The following ARNT variants were observed in gnomAD, a reference collection of about 807,000 sequenced individuals.
The protein encoded by ARNT is class E basic helix-loop-helix protein 2.
In ARNT, 30 loss-of-function variants were observed where a neutral mutation model predicts 105.0. The observed-to-expected ratio is 0.29, with a 90% CI of 0.21 to 0.39. The LOEUF is 0.39. Ranked by LOEUF, ARNT falls within the 10% of genes least tolerant of loss-of-function variation. The pLI, the probability that ARNT is intolerant of heterozygous loss-of-function variation, is 1.00. For missense variants in ARNT, 748 were observed against 978.7 expected (o/e 0.76, Z 3.15); for synonymous variants, 304 against 344.0 (o/e 0.88, Z 1.29).
At chr1:150,835,483 C>T (rs920463977) in intron 7 of ARNT, among the ~76,000 whole-genome samples, 2 of 152,090 alleles carry the variant, frequency 1.3e-5, no homozygotes, top group Non-Finnish European at 2.9e-5. Context: ...TGAACTACTC[C>T]TAGCTACTCA....
At position 150,876,552 on chromosome 1, in the gene ARNT, CAGT is replaced by C. The variant is rs1002602832; in HGVS notation, c.13_15del (p.Thr5del). Reference sequence around the variant, plus strand: ...TCCTCCGTCTCCTCACCGGGGTTGGCAGTAGTCGCCGCCATGGCCGCAGATGCC... The same window carrying C: ...TCCTCCGTCTCCTCACCGGGGTTGGCAGTCGCCGCCATGGCCGCAGATGCC... On this transcript the variant is annotated inframe_deletion, in exon 1 of 22. Coordinates refer to ENST00000358595, the MANE Select transcript of ARNT (RefSeq NM_001668.4). The C allele has an allele frequency of 1.9e-6, 3 of 1,549,890 alleles. No individual in the cohort carries two copies. The African/African-American group carries it at 4.1e-5, about 21-fold the overall frequency.
intron 1 of ARNT, among the ~76,000 whole-genome samples, chr1:150,860,869 A>C (rs1412821630): frequency 6.6e-6 from 1 of 152,122 alleles, no homozygotes; most frequent in Non-Finnish European, 1.5e-5. Context: ...AAAAATAAAC[A>C]AATAAAAAAT....
intron 12 of ARNT, among the ~76,000 whole-genome samples, chr1:150,828,350 G>T (rs72704643): frequency 6.5e-4 from 75 of 115,472 alleles, no homozygotes; most frequent in East Asian, 9.8e-4. Context: ...TTTTTTTTTT[G>T]TTTTTTTTTT....
intron 1 of ARNT, among the ~76,000 whole-genome samples, chr1:150,867,711 A>C (rs929794714): frequency 5.3e-5 from 8 of 152,136 alleles, no homozygotes; most frequent in Non-Finnish European, 1.0e-4. Flanking sequence ...TTGAAGGTGC[A>C]GTCTGGTGGG....
chr1:150,860,547 A>G (rs1188092053), intron 1 of ARNT, among the ~76,000 whole-genome samples: 1 of 151,750 alleles, frequency 6.6e-6, no homozygotes, highest in African/African-American at 2.4e-5. Context: ...TATATGCAAC[A>G]CAGAATATCC....
intron 17 of ARNT, 41 bp from the exon 18 acceptor site, chr1:150,816,931 C>T (rs745385830): frequency 8.7e-6 from 14 of 1,604,120 alleles, no homozygotes; most frequent in Middle Eastern, 3.3e-4. Flanking sequence ...AGTCAAGGGG[C>T]TGTAGTATAT....
intron 10 of ARNT, 153 bp from the exon 11 acceptor site, chr1:150,830,133 C>T (rs1021614946): frequency 1.6e-5 from 12 of 753,022 alleles, no homozygotes; most frequent in South Asian, 7.3e-5. Flanking sequence ...CCAAGGTGGG[C>T]GGATCACTTG....
intron 21 of ARNT, among the ~76,000 whole-genome samples, 170 bp from the exon 22 acceptor site, chr1:150,812,280 T>C (rs961753989): frequency 7.9e-5 from 12 of 152,338 alleles, no homozygotes; most frequent in African/African-American, 2.9e-4. Context: ...ATCGCAGCCT[T>C]TTTTCCTAAT....
rs1654482430 is a variant in ARNT, at chr1:150,810,209, AAC to A, written c.*1810_*1811del. Reference sequence around the variant, plus strand: ...ACAGAAATGGCCAACAAGAAAACAAAACAGTCAAAAATAAAACCCTGAAGGAA... The same window carrying A: ...ACAGAAATGGCCAACAAGAAAACAAAAGTCAAAAATAAAACCCTGAAGGAA... On this transcript the variant is annotated 3_prime_UTR_variant, in exon 22 of 22. Coordinates refer to ENST00000358595, the MANE Select transcript of ARNT (RefSeq NM_001668.4). 4.3e-6 allele frequency: 1 copy of A among 232,854 alleles called. No homozygotes were observed. 14.4% of individuals were successfully genotyped at this position (232,854 alleles called of 1,614,324 possible).
chr1:150,836,212 A>G (rs1240664503), intron 7 of ARNT, 68 bp downstream of exon 7: 1 of 1,500,420 alleles, frequency 6.7e-7, no homozygotes, highest in Non-Finnish European at 9.2e-7. Flanking sequence ...CAGCTAAAAC[A>G]TCTCTTAAGT....
At position 150,809,782 on chromosome 1, in the gene ARNT, T is replaced by C; in HGVS notation, c.*2239A>G. On this transcript the variant is annotated 3_prime_UTR_variant, in exon 22 of 22. Coordinates refer to ENST00000358595, the MANE Select transcript of ARNT (RefSeq NM_001668.4). Reference sequence around the variant, plus strand: ...AAGGCATCCAGATGTGCCCTAGTGGTTTTCAAGTCCCGACTCTTCCCCTCT... The same window carrying C: ...AAGGCATCCAGATGTGCCCTAGTGGCTTTCAAGTCCCGACTCTTCCCCTCT... The C allele has an allele frequency of 4.6e-6, 1 of 218,972 alleles. No homozygotes were observed. Among genetic ancestry groups the C allele is most frequent in the Non-Finnish European group, 9.2e-6 (1 of 109,072 alleles). 13.6% of individuals were successfully genotyped at this position (218,972 alleles called of 1,614,324 possible). A position where few individuals can be genotyped will look rare whatever the true frequency, so the allele number is the denominator to read the frequency against.
chr1:150,852,813 A>G lies in ARNT; in HGVS notation c.138-7T>C. 6.2e-7 allele frequency: 1 copy of G among 1,614,138 alleles called. No individual in the cohort carries two copies. On this transcript the variant is annotated splice_region_variant and splice_polypyrimidine_tract_variant and intron_variant, in intron 2 of 21. Coordinates refer to ENST00000358595, the MANE Select transcript of ARNT (RefSeq NM_001668.4). ...ATCATCATCAAAATCCAGCCTGAGG[A>G]AAGCCAACAATAAATACTTTAAGCC...
At chr1:150,871,971 T>C (rs1208312947) in intron 1 of ARNT, among the ~76,000 whole-genome samples, 2 of 150,926 alleles carry the variant, frequency 1.3e-5, no homozygotes, top group South Asian at 2.1e-4. Flanking sequence ...TCTTTTTTTG[T>C]TGGGGGACAG....
chr1:150,817,094 T>A lies in ARNT; in HGVS notation c.1687A>T (p.Asn563Tyr). The change falls in exon 17 of 22, where the codon AAC (asparagine) becomes TAC (tyrosine). Residue 563 changes from asparagine to tyrosine, a missense_variant. By Grantham distance (143) the Asn-to-Tyr change is moderately radical. This residue lies in a region of ARNT where 360 missense variants were observed against 411.9 expected (regional missense o/e 0.87). Coordinates refer to ENST00000358595, the MANE Select transcript of ARNT (RefSeq NM_001668.4). ...RDPRFSEIYH[N>Y]INADQSKGIS... ...GAAAGAAACATACCCGCATTGATGTTGTGATAGATTTCTGAAAATCTTGGA... is the reference window on the plus strand; with the variant it reads ...GAAAGAAACATACCCGCATTGATGTAGTGATAGATTTCTGAAAATCTTGGA... 6.2e-7 allele frequency: 1 copy of A among 1,614,164 alleles called. No homozygotes were observed. The highest frequency in any genetic ancestry group is 8.5e-7 in the Non-Finnish European group (1 of 1,180,030).
chr1:150,831,186 C>T (rs1025074715), intron 10 of ARNT, among the ~76,000 whole-genome samples: 1 of 152,196 alleles, frequency 6.6e-6, no homozygotes, highest in Non-Finnish European at 1.5e-5. Flanking sequence ...TTCCAAAACA[C>T]ATCACCTTGC....
At chr1:150,859,731 T>G (rs1163870453) in intron 1 of ARNT, among the ~76,000 whole-genome samples, 2 of 152,152 alleles carry the variant, frequency 1.3e-5, no homozygotes, top group African/African-American at 4.8e-5. Flanking sequence ...AGGTGCAGGC[T>G]GGGCACAGTG....
At position 150,816,276 on chromosome 1, in the gene ARNT, A is replaced by G; in HGVS notation, c.1933T>C (p.Ser645Pro). Residue 645 changes from serine (S) to proline (P), a missense_variant, in exon 19 of 22, where the codon TCA becomes CCA. Coordinates refer to ENST00000358595, the MANE Select transcript of ARNT (RefSeq NM_001668.4). Reference protein sequence around the residue: ...ATPTWTPTTRSGFSAQQVATQ... With the variant: ...ATPTWTPTTRPGFSAQQVATQ... ...AGTTTTACCTGGGCAGAAAAGCCTG[A>G]GCGGGTAGTAGGGGTCCAAGTTGGG... 6.2e-7 allele frequency: 1 copy of G among 1,603,328 alleles called. No homozygotes were observed. Among genetic ancestry groups the G allele is most frequent in the Non-Finnish European group, 8.5e-7 (1 of 1,177,070 alleles).
At chr1:150,855,297 G>A (rs372769481) in intron 2 of ARNT, among the ~76,000 whole-genome samples, 5 of 152,124 alleles carry the variant, frequency 3.3e-5, no homozygotes, top group African/African-American at 9.6e-5. Context: ...GCTCATGCCT[G>A]TAATCCCAGC....
chr1:150,827,251 T>C (rs1189270296), intron 12 of ARNT, among the ~76,000 whole-genome samples: 1 of 152,222 alleles, frequency 6.6e-6, no homozygotes, highest in Non-Finnish European at 1.5e-5. Context: ...AAATTTATAG[T>C]TGTGCAATGA....
Sources: allele counts gnomAD v4.1 joint callset (sites outside exome capture counted in the v4.1 genomes callset), GRCh38; gene constraint gnomAD v4.1.1; regional missense constraint gnomAD v4.1.1; transcripts MANE v1.5; gene names NCBI Gene and HGNC (gene_info 2026-07-23, HGNC 2026-07-21).